Variants in SH3PXD2B observed in about 807,000 individuals in gnomAD.
SH3PXD2B encodes SH3 and PX domains 2B, also known as SH3 and PX domain-containing protein 2B.
SH3PXD2B carries 37 observed loss-of-function variants against 73.1 expected under a neutral mutation model. That is an observed-to-expected ratio of 0.51 (90% CI 0.39 to 0.67). The LOEUF (loss-of-function observed/expected upper bound fraction) is 0.67, where lower values mean the gene tolerates loss of function less well. Among genes scored for constraint, SH3PXD2B ranks in the 30% least tolerant of loss-of-function variants. SH3PXD2B has a pLI of 0.00. For synonymous variants in SH3PXD2B, 457 were observed against 480.5 expected, an observed-to-expected ratio of 0.95 and a Z score of 0.64; for missense variants, 1,053 against 1,197.8, an observed-to-expected ratio of 0.88 and a Z score of 1.78.
intron 4 of SH3PXD2B, among the ~76,000 whole-genome samples, chr5:172,389,308 C>T (rs1758126337): frequency 6.6e-6 from 1 of 151,864 alleles, no homozygotes; most frequent in South Asian, 2.1e-4. Context: ...CCTGCTTTGG[C>T]CTCCCAAAAT....
chr5:172,380,109 T>A (rs887240512), intron 5 of SH3PXD2B, among the ~76,000 whole-genome samples: 10 of 152,136 alleles, frequency 6.6e-5, no homozygotes, highest in African/African-American at 2.4e-4. Context: ...CAGGCTGGAG[T>A]GCAGTGGCGG....
chr5:172,334,958 C>T lies in SH3PXD2B; in HGVS notation c.*3411G>A, dbSNP rs143165580. 8.2e-5 allele frequency: 81 copies of T among 985,352 alleles called. No individual in the cohort carries two copies. The highest frequency in any genetic ancestry group is 3.8e-4 in the African/African-American group (22 of 57,336). 61.0% of individuals were successfully genotyped at this position (985,352 alleles called of 1,614,324 possible). A position where few individuals can be genotyped will look rare whatever the true frequency, so the allele number is the denominator to read the frequency against. On this transcript the variant is annotated 3_prime_UTR_variant, in exon 13 of 13. Coordinates refer to ENST00000311601, the MANE Select transcript of SH3PXD2B (RefSeq NM_001017995.3). ...TGTGGCAGAGGTTTAAAATGACTAC[C>T]GTAACCTGGCATGGGCTCCAGCGAT...
intron 3 of SH3PXD2B, among the ~76,000 whole-genome samples, chr5:172,403,933 G>A (rs1024794324): frequency 2.0e-4 from 30 of 152,234 alleles, no homozygotes; most frequent in African/African-American, 7.0e-4. Flanking sequence ...TGTGGAAACT[G>A]AGGCTCAGAG....
intron 2 of SH3PXD2B, among the ~76,000 whole-genome samples, chr5:172,419,350 C>A (rs1021354353): frequency 6.6e-6 from 1 of 152,212 alleles, no homozygotes; most frequent in Non-Finnish European, 1.5e-5. Context: ...TAAATCTCTT[C>A]CAGATGACTC....
intron 6 of SH3PXD2B, among the ~76,000 whole-genome samples, chr5:172,368,906 A>T (rs11958280): frequency 0.36 from 49,104 of 136,298 alleles, 9,339 homozygotes; most frequent in East Asian, 0.66. Flanking sequence ...ATATATATAT[A>T]TTTTTGAGAC....
At chr5:172,357,917 CCAAA>C (rs1194922755) in intron 8 of SH3PXD2B, among the ~76,000 whole-genome samples, 34 of 152,288 alleles carry the variant, frequency 2.2e-4, no homozygotes, top group African/African-American at 7.9e-4. Context: ...CAACTAAAAG[CCAAA>C]CAAACTCAAC....
At position 172,337,004 on chromosome 5, in the gene SH3PXD2B, T is replaced by C; in HGVS notation, c.*1365A>G. 1 of 985,520 alleles carries C rather than the reference T, an allele frequency of 1.0e-6. No homozygotes were observed. Among genetic ancestry groups the C allele is most frequent in the Non-Finnish European group, 1.2e-6 (1 of 829,976 alleles). 61.0% of individuals were successfully genotyped at this position (985,520 alleles called of 1,614,324 possible). A position where few individuals can be genotyped will look rare whatever the true frequency, so the allele number is the denominator to read the frequency against. On this transcript the variant is annotated 3_prime_UTR_variant, in exon 13 of 13. Coordinates refer to ENST00000311601, the MANE Select transcript of SH3PXD2B (RefSeq NM_001017995.3). ...CCTGCCTCCCTATGGGACCGCTGCA[T>C]GCTATGCTCAGAGCCCTCCAGGCTG...
intron 5 of SH3PXD2B, among the ~76,000 whole-genome samples, chr5:172,374,281 A>T (rs554934444): frequency 6.6e-6 from 1 of 152,306 alleles, no homozygotes; most frequent in South Asian, 2.1e-4. Context: ...CAGTGAACAC[A>T]GTGCACCTCC....
In SH3PXD2B at chr5:172,350,714, G is replaced by A. The variant is rs937891213; in HGVS notation, c.786-125C>T. 5.6e-6 allele frequency: 5 copies of A among 897,160 alleles called. No individual in the cohort carries two copies. The African/African-American group carries it at 8.3e-5, about 15-fold the overall frequency. 55.6% of individuals were successfully genotyped at this position (897,160 alleles called of 1,614,324 possible). A position where few individuals can be genotyped will look rare whatever the true frequency, so the allele number is the denominator to read the frequency against. ...GAACGACGGGTTGTGACTGCCCAGGGCAAGAGGTTGGCACACACTGTGCAT... is the reference window on the plus strand; with the variant it reads ...GAACGACGGGTTGTGACTGCCCAGGACAAGAGGTTGGCACACACTGTGCAT... On this transcript the variant is annotated intron_variant, in intron 9 of 12. Transcript: ENST00000311601.
At chr5:172,325,885 TCAAG>T in intron 12 of SH3PXD2B, among the ~76,000 whole-genome samples, 1 of 152,356 alleles carries the variant, frequency 6.6e-6, no homozygotes, top group East Asian at 1.9e-4. Context: ...CCTCCCGGTT[TCAAG>T]CGATTCTCCT....
At chr5:172,383,786 T>C (rs899517255) in intron 4 of SH3PXD2B, among the ~76,000 whole-genome samples, 14 of 152,160 alleles carry the variant, frequency 9.2e-5, no homozygotes, top group African/African-American at 3.4e-4. Context: ...CTTCTCACCA[T>C]GCTGAGCCTG....
At chr5:172,363,287 T>TCCATCAACCATCTCATCAC (rs1757438180) in intron 6 of SH3PXD2B, among the ~76,000 whole-genome samples, 1 of 152,104 alleles carries the variant, frequency 6.6e-6, no homozygotes, top group Non-Finnish European at 1.5e-5. Context: ...AACACCATCA[T>TCCATCAACCATCTCATCAC]CCATCAACCA....
chr5:172,446,717 G>C (rs1179342175), intron 1 of SH3PXD2B, among the ~76,000 whole-genome samples: 1 of 152,180 alleles, frequency 6.6e-6, no homozygotes, highest in Non-Finnish European at 1.5e-5. Context: ...CTCTAACCTG[G>C]ATGACGTTTC....
intron 8 of SH3PXD2B, among the ~76,000 whole-genome samples, chr5:172,354,247 A>G (rs1247207608): frequency 6.6e-6 from 1 of 152,112 alleles, no homozygotes; most frequent in African/African-American, 2.4e-5. Context: ...ACCTGCTTCA[A>G]TCTGTGCTTC....
At chr5:172,368,620 A>ATATATATAATATATATGT (rs1400928293) in intron 6 of SH3PXD2B, among the ~76,000 whole-genome samples, 2 of 25,946 alleles carry the variant, frequency 7.7e-5, no homozygotes, top group African/African-American at 5.8e-4. Context: ...TATATGTTAT[A>ATATATATAATATATATGT]TATATATATA....
At chr5:172,418,734 C>G (rs2113457278) in intron 2 of SH3PXD2B, among the ~76,000 whole-genome samples, 1 of 152,318 alleles carries the variant, frequency 6.6e-6, no homozygotes, top group East Asian at 1.9e-4. Context: ...CTCCAGCCGT[C>G]CATCTGGGAC....
At chr5:172,417,108 T>C (rs1048735586) in intron 2 of SH3PXD2B, among the ~76,000 whole-genome samples, 1 of 152,118 alleles carries the variant, frequency 6.6e-6, no homozygotes, top group Non-Finnish European at 1.5e-5. Flanking sequence ...CCTGCCCCCG[T>C]TGGAGGGGGC....
chr5:172,335,088 G>C lies in SH3PXD2B; in HGVS notation c.*3281C>G. ...CCCACCAATGGCAAAGAAAGATTCC[G>C]AGCAGAACATGTGAGCAAAGGCCTC... On this transcript the variant is annotated 3_prime_UTR_variant, in exon 13 of 13. Coordinates refer to ENST00000311601, the MANE Select transcript of SH3PXD2B (RefSeq NM_001017995.3). 1.0e-6 allele frequency: 1 copy of C among 985,578 alleles called. No individual in the cohort carries two copies. The highest frequency in any genetic ancestry group is 1.2e-6 in the Non-Finnish European group (1 of 830,058). 61.1% of individuals were successfully genotyped at this position (985,578 alleles called of 1,614,324 possible).
chr5:172,451,396 A>G (rs901596528), intron 1 of SH3PXD2B, among the ~76,000 whole-genome samples: 4 of 152,166 alleles, frequency 2.6e-5, no homozygotes, highest in Admixed American at 6.5e-5. Flanking sequence ...CCTAGAGGAC[A>G]TGCAGCAATC....
Sources: gnomAD v4.1 joint callset for allele counts (sites outside exome capture counted in the v4.1 genomes callset) on GRCh38, gnomAD v4.1.1 for gene constraint, MANE v1.5 for transcripts, NCBI Gene and HGNC (gene_info 2026-07-23, HGNC 2026-07-21) for gene names.